Variants in MRGPRE observed in about 807,000 individuals in gnomAD.
The protein encoded by MRGPRE is MAS related GPR family member E, also known as mas-related G protein-coupled receptor member E.
For synonymous variants in MRGPRE, 229 were observed against 206.7 expected (o/e 1.11, Z -0.92); for missense variants, 466 against 433.4 (o/e 1.08, Z -0.67).
Position 3,229,871 on chromosome 11 carries a change from A to G in MRGPRE, c.-61-1011T>C, listed in dbSNP as rs1264265933. On this transcript the variant is annotated intron_variant, in intron 1 of 1. Transcript: ENST00000389832. This position sits in a 1 kb window ranked among gnomAD's most constrained non-coding sequence, Gnocchi z 4.4. ...CATGGGGAGAAGAGGGAGCTGTCTG[A>G]TGATGGGGCTGGGAGGGGCCCTGAG... Among the ~76,000 whole-genome samples the G allele has an allele frequency of 6.6e-6, 1 of 152,138 alleles. No homozygotes were observed. The highest frequency in any genetic ancestry group is 1.5e-5 in the Non-Finnish European group (1 of 67,996).
In MRGPRE at chr11:3,225,684, G is replaced by A. The variant is rs1459634438; in HGVS notation, c.*2177C>T. ...GCCAAGCTGGCACATCTGGGGCCAA[G>A]GGGATACCCCACCAGCATCCTGGGC... On this transcript the variant is annotated 3_prime_UTR_variant, in exon 2 of 2. Transcript: ENST00000389832. Among the ~76,000 whole-genome samples, 1 of 152,214 alleles carries A rather than the reference G, an allele frequency of 6.6e-6. No homozygotes were observed. The highest frequency in any genetic ancestry group is 2.4e-5 in the African/African-American group (1 of 41,450).
In MRGPRE at chr11:3,227,269, C is replaced by G. The variant is rs971697225; in HGVS notation, c.*592G>C. ...GCTCCGAGTGAGGGTTGCATCGTCCCGGTCTGAGGTGCACGGCCTTGAGCA... is the reference window on the plus strand; with the variant it reads ...GCTCCGAGTGAGGGTTGCATCGTCCGGGTCTGAGGTGCACGGCCTTGAGCA... On this transcript the variant is annotated 3_prime_UTR_variant, in exon 2 of 2. Coordinates refer to ENST00000389832, the MANE Select transcript of MRGPRE (RefSeq NM_001039165.4). 1.3e-5 allele frequency among the ~76,000 whole-genome samples: 2 copies of G among 152,130 alleles called. No homozygotes were observed. The highest frequency in any genetic ancestry group is 1.9e-4 in the East Asian group (1 of 5,182).
Position 3,225,529 on chromosome 11 carries a change from C to G in MRGPRE, c.*2332G>C, listed in dbSNP as rs557247837. ...TCTGGGGGCAGAAGAGGAGGTGCAG[C>G]GGGGGAGGTCAGAGGAGGCGCAGGC... On this transcript the variant is annotated 3_prime_UTR_variant, in exon 2 of 2. Coordinates refer to ENST00000389832, the MANE Select transcript of MRGPRE (RefSeq NM_001039165.4). Among the ~76,000 whole-genome samples, 1 of 152,034 alleles carries G rather than the reference C, an allele frequency of 6.6e-6. No homozygotes were observed. The highest frequency in any genetic ancestry group is 2.4e-5 in the African/African-American group (1 of 41,404).
rs754862294 is a variant in MRGPRE, at chr11:3,228,621, A to G, written c.179T>C (p.Ile60Thr). ...CGCGCAGGCCACGTCCAGGAGGTAGATGGCGAAGGGGTTTCTGTAGACATT... is the reference window on the plus strand; with the variant it reads ...CGCGCAGGCCACGTCCAGGAGGTAGGTGGCGAAGGGGTTTCTGTAGACATT... ...SSNVYRNPFA[I>T]YLLDVACADL... The change falls in exon 2 of 2, where the codon ATC (isoleucine) becomes ACC (threonine). Residue 60 changes from isoleucine to threonine, a missense_variant. Coordinates refer to ENST00000389832, the MANE Select transcript of MRGPRE (RefSeq NM_001039165.4). 5.1e-5 allele frequency: 83 copies of G among 1,613,992 alleles called. No individual in the cohort carries two copies. The highest frequency in any genetic ancestry group is 6.7e-5 in the Non-Finnish European group (79 of 1,180,014).
At chr11:3,228,965 G>A in intron 1 of MRGPRE, 105 bp from the exon 2 acceptor site, 1 of 607,994 alleles carries the variant, frequency 1.6e-6, no homozygotes, top group African/African-American at 1.8e-5. Flanking sequence ...GGAATGGTGA[G>A]ACCCTCCAGG....
Position 3,226,950 on chromosome 11 carries a change from C to T in MRGPRE, c.*911G>A, listed in dbSNP as rs1337731049. On this transcript the variant is annotated 3_prime_UTR_variant, in exon 2 of 2. Coordinates refer to ENST00000389832, the MANE Select transcript of MRGPRE (RefSeq NM_001039165.4). ...AGCCCCCACTCTAGCACCCCTGGCA[C>T]ATGCTCCTGGATGGCAGCCAGGCCT... Among the ~76,000 whole-genome samples the T allele has an allele frequency of 6.6e-6, 1 of 152,248 alleles. No homozygotes were observed. Among genetic ancestry groups the T allele is most frequent in the Non-Finnish European group, 1.5e-5 (1 of 68,040 alleles).
rs1263932123 is a variant in MRGPRE, at chr11:3,231,681, C to T, written c.-62+460G>A. On this transcript the variant is annotated intron_variant, in intron 1 of 1. Coordinates refer to ENST00000389832, the MANE Select transcript of MRGPRE (RefSeq NM_001039165.4). The surrounding 1 kb of genome is among the most constrained non-coding windows in gnomAD (Gnocchi z 4.7). ...GGAACAGAAGAGGAGGGAGGCACAG[C>T]ATTCCCCATCCCTGGGTGGTCCAGG... 6.6e-6 allele frequency among the ~76,000 whole-genome samples: 1 copy of T among 151,940 alleles called. No homozygotes were observed. The highest frequency in any genetic ancestry group is 1.5e-5 in the Non-Finnish European group (1 of 67,944).
rs1288178207 is a variant in MRGPRE, at chr11:3,229,433, G to T, written c.-61-573C>A. ...GTAGAGACAGGGTTTCACCATATTG[G>T]CCAGGCTGGTCTCGAACTCCTGACC... is the stretch of plus-strand genomic sequence containing the variant. On this transcript the variant is annotated intron_variant, in intron 1 of 1. Transcript: ENST00000389832. The surrounding 1 kb of genome is among the most constrained non-coding windows in gnomAD (Gnocchi z 4.4). Among the ~76,000 whole-genome samples the T allele has an allele frequency of 6.6e-6, 1 of 151,982 alleles. No individual in the cohort carries two copies.
Position 3,228,335 on chromosome 11 carries a change from G to A in MRGPRE, c.465C>T (p.His155=), listed in dbSNP as rs750634354. 1.3e-6 allele frequency: 2 copies of A among 1,566,200 alleles called. No individual in the cohort carries two copies. The highest frequency in any genetic ancestry group is 8.6e-7 in the Non-Finnish European group (1 of 1,159,440). ...GGGTGCAGGCGCCGCTGAGCAGCAG[G>A]TGCAGCAGCAGGCAGAGGGCCCAGG... ...ALTWALCLLL[H]LLLSGACTQF... Residue 155 remains histidine, a synonymous_variant, in exon 2 of 2, where the codon CAC becomes CAT. Coordinates refer to ENST00000389832, the MANE Select transcript of MRGPRE (RefSeq NM_001039165.4).
At position 3,228,783 on chromosome 11, in the gene MRGPRE, T is replaced by G. The variant is rs779217045; in HGVS notation, c.17A>C (p.Glu6Ala). ...GGCGGCCCCCACGTGCTGTCCAGCT[T>G]CTCTGGGCTCCATCATGGGGCGGGG... Reference protein sequence around the residue: MMEPREAGQHVGAANG... With the variant: MMEPRAAGQHVGAANG... Residue 6 changes from glutamate (E) to alanine (A), a missense_variant, in exon 2 of 2, where the codon GAA becomes GCA. Physicochemically the swap from Glu to Ala is moderately radical, Grantham distance 107. Transcript: ENST00000389832. The G allele has an allele frequency of 4.4e-5, 70 of 1,606,662 alleles. 2 individuals carry two copies. The South Asian group carries it at 7.6e-4, about 17-fold the overall frequency.
In MRGPRE at chr11:3,228,428, G is replaced by T. The variant is rs371522732; in HGVS notation, c.372C>A (p.Ala124=). ...ACGAGTACCAGGCTGGGAAGAGGGC[G>T]GCCAGGCACTGCTCCACGCTGACGG... ...LAAVSVEQCL[A]ALFPAWYSCR... The change falls in exon 2 of 2, where the codon GCC becomes GCA. Residue 124 remains alanine, a synonymous_variant. Coordinates refer to ENST00000389832, the MANE Select transcript of MRGPRE (RefSeq NM_001039165.4). The T allele has an allele frequency of 3.1e-6, 5 of 1,609,768 alleles. No individual in the cohort carries two copies. The Admixed American group carries it at 6.7e-5, about 21-fold the overall frequency.
rs1383187270 is a variant in MRGPRE at position 3,225,629 on chromosome 11, C to T, written c.*2232G>A. On this transcript the variant is annotated 3_prime_UTR_variant, in exon 2 of 2. Transcript: ENST00000389832. Reference sequence around the variant, plus strand: ...AGGCCAGCCCACATGGTCCTAATGTCCTGAGGGCTCAAGGACCACAGAACT... The same window carrying T: ...AGGCCAGCCCACATGGTCCTAATGTTCTGAGGGCTCAAGGACCACAGAACT... 6.6e-6 allele frequency among the ~76,000 whole-genome samples: 1 copy of T among 152,180 alleles called. No homozygotes were observed. The highest frequency in any genetic ancestry group is 1.9e-4 in the East Asian group (1 of 5,182).
chr11:3,227,859 G>A lies in MRGPRE; in HGVS notation c.*2C>T. ...TGCAGCTGGGGTCGGGGGCCCCAGG[G>A]CTCAGGCTGCTATGTCCACCAGGCC... On this transcript the variant is annotated 3_prime_UTR_variant, in exon 2 of 2. Coordinates refer to ENST00000389832, the MANE Select transcript of MRGPRE (RefSeq NM_001039165.4). 6.9e-7 allele frequency: 1 copy of A among 1,440,834 alleles called. No individual in the cohort carries two copies. Among genetic ancestry groups the A allele is most frequent in the Non-Finnish European group, 9.1e-7 (1 of 1,097,162 alleles). 89.3% of individuals were successfully genotyped at this position (1,440,834 alleles called of 1,614,324 possible).
At position 3,227,479 on chromosome 11, in the gene MRGPRE, T is replaced by A. The variant is rs1364232588; in HGVS notation, c.*382A>T. On this transcript the variant is annotated 3_prime_UTR_variant, in exon 2 of 2. Transcript: ENST00000389832. ...GGTGGCCTGCGGAAAGGCCTGGACC[T>A]GCCCCTCACCTGGCGTCTGGCCTTG... Among the ~76,000 whole-genome samples, 1 of 152,158 alleles carries A rather than the reference T, an allele frequency of 6.6e-6. No individual in the cohort carries two copies. The highest frequency in any genetic ancestry group is 1.5e-5 in the Non-Finnish European group (1 of 68,020).
At position 3,228,089 on chromosome 11, in the gene MRGPRE, C is replaced by G; in HGVS notation, c.711G>C (p.Trp237Cys). 1 of 1,603,456 alleles carries G rather than the reference C, an allele frequency of 6.2e-7. No homozygotes were observed. The highest frequency in any genetic ancestry group is 8.5e-7 in the Non-Finnish European group (1 of 1,175,422). The stretch of plus-strand genomic sequence containing the variant: ...TGTACCAGAGCAGGTTCCGGGACAG[C>G]CAGTAGATGCCGAAGGGCAGGCCGC... The part of the protein sequence containing the change: ...LFCGLPFGIY[W>C]LSRNLLWYIP... Residue 237 changes from tryptophan (W) to cysteine (C), a missense_variant, in exon 2 of 2, where the codon TGG becomes TGC. Transcript: ENST00000389832.
chr11:3,231,962 A>G lies in MRGPRE; in HGVS notation c.-62+179T>C, dbSNP rs1292446335. Among the ~76,000 whole-genome samples, 1 of 152,114 alleles carries G rather than the reference A, an allele frequency of 6.6e-6. No individual in the cohort carries two copies. The highest frequency in any genetic ancestry group is 1.5e-5 in the Non-Finnish European group (1 of 67,966). On this transcript the variant is annotated intron_variant, in intron 1 of 1. Transcript: ENST00000389832. The surrounding 1 kb of genome is among the most constrained non-coding windows in gnomAD (Gnocchi z 4.7). ...CTCAGCCCAGGGCTGGCTGCGGACC[A>G]GGTGGTGCGGCCCGTCAGAGGGCGG...
chr11:3,228,959 T>C (rs1590772040), intron 1 of MRGPRE, 99 bp from the exon 2 acceptor site: 1 of 619,308 alleles, frequency 1.6e-6, no homozygotes. Flanking sequence ...ACCAAGGGAA[T>C]GGTGAGACCC....
At position 3,229,787 on chromosome 11, in the gene MRGPRE, T is replaced by A. The variant is rs1373488736; in HGVS notation, c.-61-927A>T. ...GTCCTACAGCAGGACTCCAGCCCTC[T>A]GCAGGGTAGGGGGCACATGAGGAGG... is the stretch of plus-strand genomic sequence containing the variant. On this transcript the variant is annotated intron_variant, in intron 1 of 1. Coordinates refer to ENST00000389832, the MANE Select transcript of MRGPRE (RefSeq NM_001039165.4). This position sits in a 1 kb window ranked among gnomAD's most constrained non-coding sequence, Gnocchi z 4.4. Among the ~76,000 whole-genome samples the A allele has an allele frequency of 3.9e-5, 6 of 152,184 alleles. No homozygotes were observed. The highest frequency in any genetic ancestry group is 1.4e-4 in the African/African-American group (6 of 41,452).
Position 3,230,055 on chromosome 11 carries a change from G to A in MRGPRE, c.-61-1195C>T, listed in dbSNP as rs1847812812. On this transcript the variant is annotated intron_variant, in intron 1 of 1. Transcript: ENST00000389832. This position sits in a 1 kb window ranked among gnomAD's most constrained non-coding sequence, Gnocchi z 5.5. ...TCATCACAGCTTTGCCAGAAATACA[G>A]CAAGTAATAGACTCTAGGAGACTGC... Among the ~76,000 whole-genome samples, 1 of 152,186 alleles carries A rather than the reference G, an allele frequency of 6.6e-6. No individual in the cohort carries two copies. Among genetic ancestry groups the A allele is most frequent in the South Asian group, 2.1e-4 (1 of 4,824 alleles).
Sources: allele counts gnomAD v4.1 joint callset (sites outside exome capture counted in the v4.1 genomes callset), GRCh38; gene constraint gnomAD v4.1.1; non-coding constraint Gnocchi (gnomAD v3.1); transcripts MANE v1.5; gene names NCBI Gene and HGNC (gene_info 2026-07-23, HGNC 2026-07-21).